Variants in ZBTB24 observed in about 807,000 individuals in gnomAD.
ZBTB24 encodes the protein zinc finger and BTB domain containing 24, also known as zinc finger and BTB domain-containing protein 24.
ZBTB24 carries 32 observed loss-of-function variants against 53.8 expected under a neutral mutation model. The observed-to-expected ratio is 0.60, with a 90% CI of 0.45 to 0.80. The LOEUF is 0.80. ZBTB24 is among the 30% of genes least tolerant of loss of function. ZBTB24 has a pLI of 0.00. For missense variants in ZBTB24, 722 were observed against 837.1 expected, an observed-to-expected ratio of 0.86 and a Z score of 1.70; for synonymous variants, 297 against 306.7, an observed-to-expected ratio of 0.97 and a Z score of 0.33.
intron 5 of ZBTB24, among the ~76,000 whole-genome samples, chr6:109,473,826 T>C (rs1191052453): frequency 6.6e-6 from 1 of 152,052 alleles, no homozygotes; most frequent in Non-Finnish European, 1.5e-5. Context: ...CTCACGCCTG[T>C]AATCCCAGCG....
chr6:109,466,705 A>G, intron 6 of ZBTB24, 131 bp from the exon 7 acceptor site: 3 of 1,266,682 alleles, frequency 2.4e-6, no homozygotes, highest in Non-Finnish European at 2.2e-6. Context: ...GGGTTCACCT[A>G]CTAATTCAAG....
intron 2 of ZBTB24, among the ~76,000 whole-genome samples, chr6:109,479,817 G>A (rs1776360201): frequency 6.7e-6 from 1 of 148,676 alleles, no homozygotes; most frequent in African/African-American, 2.5e-5. Context: ...TCAGGAGGCT[G>A]AGGCAGGAGA....
rs938358665 is a variant in ZBTB24, at chr6:109,476,202, G to A, written c.1177C>T (p.Leu393=). 65 of 1,613,950 alleles carry A rather than the reference G, an allele frequency of 4.0e-5. 1 individual carries two copies. The Admixed American group carries it at 9.0e-4, about 22-fold the overall frequency. Residue 393 remains leucine (L), a synonymous_variant, in exon 4 of 7, where the codon CTA becomes TTA. Transcript: ENST00000230122. ...CGKYFSQNRQ[L]KSHYRVHTGH... ...GTATGAACTCGGTAATGGCTCTTTA[G>A]CTGTCTGTTCTGGCTGAAATATTTT...
At chr6:109,468,300 A>G (rs1267580723) in intron 5 of ZBTB24, among the ~76,000 whole-genome samples, 1 of 151,962 alleles carries the variant, frequency 6.6e-6, no homozygotes, top group Non-Finnish European at 1.5e-5. Flanking sequence ...CACCAGAGTG[A>G]GCCTTGATGC....
Position 109,481,543 on chromosome 6 carries a change from G to A in ZBTB24, c.484C>T (p.Arg162Trp). ...NKKNDPPKRK[R>W]GRPKKVNTLQ... ...GTATTGACTTTTTTTGGTCTTCCCC[G>A]TTTCCGCTTTGGAGGATCGTTTTTC... The change falls in exon 2 of 7, where the codon CGG becomes TGG. Residue 162 changes from arginine to tryptophan, a missense_variant. Coordinates refer to ENST00000230122, the MANE Select transcript of ZBTB24 (RefSeq NM_014797.3). 2.5e-6 allele frequency: 4 copies of A among 1,614,106 alleles called. No individual in the cohort carries two copies. The highest frequency in any genetic ancestry group is 2.2e-5 in the South Asian group (2 of 91,080).
At position 109,470,684 on chromosome 6, in the gene ZBTB24, A is replaced by G. The variant is rs148733496; in HGVS notation, c.1289-2950T>C. On this transcript the variant is annotated intron_variant, in intron 5 of 6. Transcript: ENST00000230122. ...CTCAGCATCCTGCCTCCCACTGTGG[A>G]CCACGGCTTTGTTTTTCTTAAAAAA... 6.9e-3 allele frequency among the ~76,000 whole-genome samples: 1,049 copies of G among 152,340 alleles called. 4 individuals carry two copies. Among genetic ancestry groups the G allele is most frequent in the Non-Finnish European group, 0.011 (742 of 68,032 alleles).
rs1775942396 is a variant in ZBTB24 at position 109,463,233 on chromosome 6, C to T, written c.*2618G>A. The T allele has an allele frequency of 6.6e-6, 1 of 152,258 alleles. No homozygotes were observed. Among genetic ancestry groups the T allele is most frequent in the African/African-American group, 2.4e-5 (1 of 41,456 alleles). The allele number at this position is 152,258 out of a possible 1,614,324, so 9.4% of individuals were successfully genotyped here. A position where few individuals can be genotyped will look rare whatever the true frequency, so the allele number is the denominator to read the frequency against. On this transcript the variant is annotated 3_prime_UTR_variant, in exon 7 of 7. Coordinates refer to ENST00000230122, the MANE Select transcript of ZBTB24 (RefSeq NM_014797.3). The stretch of plus-strand genomic sequence containing the variant: ...AACTCCTGACCTCGTGATCCGCCCA[C>T]CTTGGCCTCCCAAAGTGCTGGGATT...
At chr6:109,468,530 C>A (rs1776102200) in intron 5 of ZBTB24, among the ~76,000 whole-genome samples, 1 of 152,100 alleles carries the variant, frequency 6.6e-6, no homozygotes, top group African/African-American at 2.4e-5. Context: ...ATCAGTGAGG[C>A]TCCATCACCA....
chr6:109,481,503 T>C lies in ZBTB24; in HGVS notation c.524A>G (p.Lys175Arg). The change falls in exon 2 of 7, where the codon AAA (lysine) becomes AGA (arginine). Residue 175 changes from lysine to arginine, a missense_variant. Physicochemically the swap from Lys to Arg is conservative, Grantham distance 26. Coordinates refer to ENST00000230122, the MANE Select transcript of ZBTB24 (RefSeq NM_014797.3). ...PKKVNTLQEE[K>R]SELAAEEEIQ... is the part of the protein sequence containing the mutation. ...TTCTTCCTCTGCAGCCAGTTCTGAT[T>C]TCTCCTCCTGCAATGTATTGACTTT... The C allele has an allele frequency of 6.2e-7, 1 of 1,614,262 alleles. No individual in the cohort carries two copies. The highest frequency in any genetic ancestry group is 8.5e-7 in the Non-Finnish European group (1 of 1,180,054).
intron 5 of ZBTB24, among the ~76,000 whole-genome samples, chr6:109,473,546 C>G (rs1274708123): frequency 6.6e-6 from 1 of 152,180 alleles, no homozygotes; most frequent in African/African-American, 2.4e-5. Flanking sequence ...GGCATCCCGC[C>G]CCCTTACCTT....
chr6:109,472,501 C>A (rs1258009343), intron 5 of ZBTB24, among the ~76,000 whole-genome samples: 1 of 152,206 alleles, frequency 6.6e-6, no homozygotes, highest in Non-Finnish European at 1.5e-5. Context: ...CTCACTCCCC[C>A]TTATGCTCAG....
In ZBTB24 at chr6:109,481,667, G is replaced by A. The variant is rs1487539368; in HGVS notation, c.360C>T (p.Asp120=). 9.9e-6 allele frequency: 16 copies of A among 1,614,096 alleles called. No homozygotes were observed. Among genetic ancestry groups the A allele is most frequent in the Non-Finnish European group, 1.4e-5 (16 of 1,180,054 alleles). ...GGAAGTCTGTGTAAGCCTTTACCAG[G>A]TCATAGACTTTTAAGAACTGAGCAG... ...LATAQFLKVY[D]LVKAYTDFQN... The change falls in exon 2 of 7, where the codon GAC becomes GAT. Residue 120 remains aspartate, a synonymous_variant. Coordinates refer to ENST00000230122, the MANE Select transcript of ZBTB24 (RefSeq NM_014797.3).
chr6:109,465,919 C>T lies in ZBTB24; in HGVS notation c.2026G>A (p.Glu676Lys). ...TGAGTGGGTGGTGGCGGACCAGGCTCCTGTGTCAGCTGCAGGTGCTGAGCT... is the reference window on the plus strand; with the variant it reads ...TGAGTGGGTGGTGGCGGACCAGGCTTCTGTGTCAGCTGCAGGTGCTGAGCT... ...DPAQHLQLTQ[E>K]PGPPPPTHHV... The change falls in exon 7 of 7, where the codon GAG becomes AAG. Residue 676 changes from glutamate (E) to lysine (K), a missense_variant. Glu to Lys is a moderately conservative substitution (Grantham distance 56, BLOSUM62 1). Coordinates refer to ENST00000230122, the MANE Select transcript of ZBTB24 (RefSeq NM_014797.3). 6.2e-7 allele frequency: 1 copy of T among 1,614,120 alleles called. No homozygotes were observed. Among genetic ancestry groups the T allele is most frequent in the Non-Finnish European group, 8.5e-7 (1 of 1,180,026 alleles).
At position 109,481,783 on chromosome 6, in the gene ZBTB24, T is replaced by C. The variant is rs78158849; in HGVS notation, c.244A>G (p.Met82Val). The change falls in exon 2 of 7, where the codon ATG (methionine) becomes GTG (valine). Residue 82 changes from methionine to valine, a missense_variant. Physicochemically the swap from Met to Val is conservative, Grantham distance 21. Transcript: ENST00000230122. ...AGGATACCAAAGGTGTCTGCAACCA[T>C]GCCTTCCAGCATATAAATGGATTGG... ...IGQSIYMLEG[M>V]VADTFGILLE... 15 of 1,614,266 alleles carry C rather than the reference T, an allele frequency of 9.3e-6. No homozygotes were observed. In the African/African-American group the frequency reaches 1.9e-4, roughly 20 times the overall value.
In ZBTB24 at chr6:109,476,921, G is replaced by C; in HGVS notation, c.962C>G (p.Pro321Arg). The C allele has an allele frequency of 6.2e-7, 1 of 1,613,958 alleles. No individual in the cohort carries two copies. Among genetic ancestry groups the C allele is most frequent in the South Asian group, 1.1e-5 (1 of 91,010 alleles). ...IHQRSHTGER[P>R]FKCNECGKGF... ...TTTTCCACACTCATTACATTTGAAA[G>C]GTCGCTCCCCTGGAAGAAGAGCCCC... The change falls in exon 3 of 7, where the codon CCT (proline) becomes CGT (arginine). Residue 321 changes from proline to arginine, a missense_variant. Pro to Arg is a moderately radical substitution (Grantham distance 103). Coordinates refer to ENST00000230122, the MANE Select transcript of ZBTB24 (RefSeq NM_014797.3).
In ZBTB24 at chr6:109,481,951, T is replaced by C. The variant is rs1255028755; in HGVS notation, c.76A>G (p.Ser26Gly). Residue 26 changes from serine to glycine, a missense_variant, in exon 2 of 7, where the codon AGT becomes GGT. Ser to Gly is a moderately conservative substitution (Grantham distance 56). Coordinates refer to ENST00000230122, the MANE Select transcript of ZBTB24 (RefSeq NM_014797.3). ...SDAHSDTVLA[S>G]FEDQRKKGFL... ...CCTTTCTTCCTCTGATCCTCAAAAC[T>C]GGCCAGCACAGTGTCACTGTGAGCG... is the stretch of plus-strand genomic sequence containing the variant. The C allele has an allele frequency of 1.2e-6, 2 of 1,614,210 alleles. No individual in the cohort carries two copies. Among genetic ancestry groups the C allele is most frequent in the Non-Finnish European group, 8.5e-7 (1 of 1,180,026 alleles).
In ZBTB24 at chr6:109,481,759, G is replaced by A. The variant is rs779928437; in HGVS notation, c.268C>T (p.Leu90=). 100 of 1,613,912 alleles carry A rather than the reference G, an allele frequency of 6.2e-5. No homozygotes were observed. The East Asian group carries it at 1.7e-3, about 27-fold the overall frequency. The change falls in exon 2 of 7, where the codon CTG becomes TTG. Residue 90 remains leucine (L), a synonymous_variant. Transcript: ENST00000230122. The stretch of plus-strand genomic sequence containing the variant: ...TAACCTGTGTAGATAAATTCCAGCA[G>A]GATACCAAAGGTGTCTGCAACCATG... ...EGMVADTFGI[L]LEFIYTGYLH...
chr6:109,482,639 G>A (rs1776452298), intron 1 of ZBTB24, among the ~76,000 whole-genome samples: 1 of 151,880 alleles, frequency 6.6e-6, no homozygotes, highest in African/African-American at 2.4e-5. Flanking sequence ...CTAGCTGAGT[G>A]ACTCTCCAGT....
chr6:109,471,382 G>A (rs985787645), intron 5 of ZBTB24, among the ~76,000 whole-genome samples: 7 of 152,190 alleles, frequency 4.6e-5, no homozygotes, highest in African/African-American at 1.4e-4. Flanking sequence ...CAGGAAGATG[G>A]GAAGACCCCC....
Sources: gnomAD v4.1 joint callset for allele counts (sites outside exome capture counted in the v4.1 genomes callset) on GRCh38, gnomAD v4.1.1 for gene constraint, MANE v1.5 for transcripts, NCBI Gene and HGNC (gene_info 2026-07-23, HGNC 2026-07-21) for gene names.